The following RGS7 variants were observed in gnomAD, a reference collection of about 807,000 sequenced individuals.
The protein encoded by RGS7 is regulator of G protein signaling 7, also known as regulator of G-protein signaling 7.
In RGS7, 27 loss-of-function variants were observed where a neutral mutation model predicts 81.1. That is an observed-to-expected ratio of 0.33 (90% CI 0.25 to 0.46). The LOEUF (loss-of-function observed/expected upper bound fraction) is 0.46, where lower values mean the gene tolerates loss of function less well. Among genes scored for constraint, RGS7 ranks in the 20% least tolerant of loss-of-function variants. The pLI is 1.00. For missense variants in RGS7, 396 were observed against 607.4 expected (o/e 0.65, Z 3.66); for synonymous variants, 208 against 207.7 (o/e 1.00, Z -0.01).
chr1:241,236,518 T>C (rs2686239), intron 2 of RGS7, among the ~76,000 whole-genome samples: 71,182 of 151,986 alleles, frequency 0.47, 16,838 homozygotes, highest in African/African-American at 0.49. Flanking sequence ...TGATTTTATA[T>C]TTTTAATATA....
chr1:241,300,880 A>G (rs1244762061), intron 2 of RGS7, among the ~76,000 whole-genome samples: 6 of 152,222 alleles, frequency 3.9e-5, no homozygotes, highest in African/African-American at 1.2e-4. Flanking sequence ...TCCACCAACA[A>G]TGAATGAGAG....
At chr1:240,854,593 A>G (rs1244940562) in intron 9 of RGS7, among the ~76,000 whole-genome samples, 1 of 152,196 alleles carries the variant, frequency 6.6e-6, no homozygotes, top group Non-Finnish European at 1.5e-5. Context: ...TCTCCCTGCC[A>G]TGTGATGCCA....
intron 2 of RGS7, among the ~76,000 whole-genome samples, chr1:241,242,711 T>A (rs1417880467): frequency 2.6e-5 from 4 of 152,230 alleles, no homozygotes; most frequent in African/African-American, 9.6e-5. Context: ...TGGCTCTGAT[T>A]TGTATTTCCC....
In RGS7 at chr1:241,025,598, T is replaced by C. The variant is rs1572333091; in HGVS notation, c.176-42469A>G. Reference sequence around the variant, plus strand: ...CATATTCCACATTGCTGAGAACTGATGAAACTAAATATGGGGGAGGGAAGA... The same window carrying C: ...CATATTCCACATTGCTGAGAACTGACGAAACTAAATATGGGGGAGGGAAGA... On this transcript the variant is annotated intron_variant, in intron 3 of 18. Coordinates refer to ENST00000440928, the MANE Select transcript of RGS7 (RefSeq NM_001364886.1). 1.3e-5 allele frequency among the ~76,000 whole-genome samples: 2 copies of C among 152,180 alleles called. 1 individual carries two copies. Among genetic ancestry groups the C allele is most frequent in the East Asian group, 3.9e-4 (2 of 5,184 alleles).
chr1:241,054,999 T>A (rs991241424), intron 3 of RGS7, among the ~76,000 whole-genome samples: 1 of 152,146 alleles, frequency 6.6e-6, no homozygotes, highest in Admixed American at 6.5e-5. Flanking sequence ...CTATTAATCA[T>A]GCAGTTTGGT....
chr1:241,228,786 T>C (rs1488207093), intron 2 of RGS7, among the ~76,000 whole-genome samples: 1 of 151,972 alleles, frequency 6.6e-6, no homozygotes, highest in African/African-American at 2.4e-5. Context: ...TCTGGGCTGA[T>C]TATATCCCTG....
intron 4 of RGS7, among the ~76,000 whole-genome samples, chr1:240,955,311 A>G (rs1676926): frequency 0.87 from 132,286 of 152,128 alleles, 57,701 homozygotes; most frequent in Admixed American, 0.93. Context: ...AGTTGGCTTT[A>G]GGAGGCCGAG....
In RGS7 at chr1:241,018,855, T is replaced by A. The variant is rs759987200; in HGVS notation, c.176-35726A>T. Among the ~76,000 whole-genome samples the A allele has an allele frequency of 3.0e-4, 45 of 152,158 alleles. 1 individual carries two copies. The highest frequency in any genetic ancestry group is 6.2e-4 in the Non-Finnish European group (42 of 68,034). ...ATACCCTGATAATTAGGATTTTTCCTTTTTCTTTAGGTGAGATATGCTCAA... is the reference window on the plus strand; with the variant it reads ...ATACCCTGATAATTAGGATTTTTCCATTTTCTTTAGGTGAGATATGCTCAA... On this transcript the variant is annotated intron_variant, in intron 3 of 18. Transcript: ENST00000440928.
intron 3 of RGS7, among the ~76,000 whole-genome samples, chr1:241,048,385 A>G (rs1258753753): frequency 6.6e-6 from 1 of 152,132 alleles, no homozygotes; most frequent in Non-Finnish European, 1.5e-5. Flanking sequence ...AGTGAAATGA[A>G]TCTGTTTTCT....
At chr1:241,245,932 G>A (rs956289523) in intron 2 of RGS7, among the ~76,000 whole-genome samples, 22 of 151,084 alleles carry the variant, frequency 1.5e-4, no homozygotes, top group African/African-American at 3.7e-4. Context: ...GTGAAACCCC[G>A]TCTCTACTAA....
At chr1:241,327,126 GAAAGAAAGAAAGAAA>G (rs2081623500) in intron 2 of RGS7, among the ~76,000 whole-genome samples, 1 of 106,032 alleles carries the variant, frequency 9.4e-6, no homozygotes, top group East Asian at 2.5e-4. Flanking sequence ...AAGAAAGAAA[GAAAGAAAGAAAGAAA>G]GAAAGGAAAG....
chr1:240,988,849 C>T (rs1686044355), intron 3 of RGS7, among the ~76,000 whole-genome samples: 1 of 152,176 alleles, frequency 6.6e-6, no homozygotes, highest in Non-Finnish European at 1.5e-5. Flanking sequence ...AGAAAAGCAG[C>T]CACTGGCTTC....
At chr1:241,251,438 G>A (rs1004227993) in intron 2 of RGS7, among the ~76,000 whole-genome samples, 5 of 152,162 alleles carry the variant, frequency 3.3e-5, no homozygotes, top group Non-Finnish European at 7.3e-5. Flanking sequence ...TTAAGCACTT[G>A]AAGTTTGCCT....
At chr1:240,928,300 G>T (rs181439892) in intron 6 of RGS7, among the ~76,000 whole-genome samples, 170 of 152,260 alleles carry the variant, frequency 1.1e-3, no homozygotes, top group African/African-American at 4.0e-3. Flanking sequence ...GGATTTTTCT[G>T]CTCTGTTCTT....
At position 240,868,205 on chromosome 1, in the gene RGS7, C is replaced by A. The variant is rs940490520; in HGVS notation, c.609+382G>T. 2.0e-5 allele frequency among the ~76,000 whole-genome samples: 3 copies of A among 150,218 alleles called. No homozygotes were observed. Among genetic ancestry groups the A allele is most frequent in the Non-Finnish European group, 3.0e-5 (2 of 67,646 alleles). On this transcript the variant is annotated intron_variant, in intron 9 of 18. Coordinates refer to ENST00000440928, the MANE Select transcript of RGS7 (RefSeq NM_001364886.1). This position sits in a 1 kb window ranked among gnomAD's most constrained non-coding sequence, Gnocchi z 5.1. ...AGGAAGGAAGGAAGGAACGAAGGAACGAAGGGAGGGAAGGAAAATCAGGGC... is the reference window on the plus strand; with the variant it reads ...AGGAAGGAAGGAAGGAACGAAGGAAAGAAGGGAGGGAAGGAAAATCAGGGC...
At chr1:241,121,342 A>C (rs189500591) in intron 2 of RGS7, among the ~76,000 whole-genome samples, 1 of 152,342 alleles carries the variant, frequency 6.6e-6, no homozygotes, top group Non-Finnish European at 1.5e-5. Context: ...TTCAAGGGCT[A>C]AGGTTTAGTG....
chr1:240,957,014 C>T (rs761750629), intron 4 of RGS7, among the ~76,000 whole-genome samples: 9 of 152,158 alleles, frequency 5.9e-5, no homozygotes, highest in South Asian at 2.1e-4. Flanking sequence ...TAAGTGTCAA[C>T]TTGATTGGAT....
At position 240,868,019 on chromosome 1, in the gene RGS7, G is replaced by C. The variant is rs1663639713; in HGVS notation, c.609+568C>G. 8.0e-6 allele frequency among the ~76,000 whole-genome samples: 1 copy of C among 124,254 alleles called. No homozygotes were observed. The highest frequency in any genetic ancestry group is 8.2e-5 in the Admixed American group (1 of 12,264). 81.5% of individuals were successfully genotyped at this position (124,254 alleles called of 152,430 possible). A position where few individuals can be genotyped will look rare whatever the true frequency, so the allele number is the denominator to read the frequency against. ...CCATAAAAAAAGAGAGAGAGAGAAA[G>C]AAAGAAAAGAAAAGAAGAGAAAAGA... On this transcript the variant is annotated intron_variant, in intron 9 of 18. Coordinates refer to ENST00000440928, the MANE Select transcript of RGS7 (RefSeq NM_001364886.1). This position sits in a 1 kb window ranked among gnomAD's most constrained non-coding sequence, Gnocchi z 5.1.
At chr1:241,174,567 G>A (rs1172719768) in intron 2 of RGS7, among the ~76,000 whole-genome samples, 2 of 152,184 alleles carry the variant, frequency 1.3e-5, no homozygotes, top group African/African-American at 4.8e-5. Context: ...ACTGGGCTGT[G>A]AGCTTTCTAT....
Sources: allele counts gnomAD v4.1 joint callset (sites outside exome capture counted in the v4.1 genomes callset), GRCh38; gene constraint gnomAD v4.1.1; non-coding constraint Gnocchi (gnomAD v3.1); transcripts MANE v1.5; gene names NCBI Gene and HGNC (gene_info 2026-07-23, HGNC 2026-07-21).